Variants in AGBL4 observed in about 807,000 individuals in gnomAD.
The protein encoded by AGBL4 is cytosolic carboxypeptidase 6.
Under a neutral mutation model 66.4 loss-of-function variants are expected in AGBL4, and 58 were observed. The ratio of observed to expected loss-of-function variants is 0.87; its 90% CI spans 0.71 to 1.09. AGBL4 has a LOEUF of 1.09. AGBL4 is among the 50% of genes least tolerant of loss of function. The probability of loss-of-function intolerance (pLI) is 0.00; values close to 1 mark genes in which losing one functional copy is unlikely to be tolerated. For synonymous variants in AGBL4, 234 were observed against 222.9 expected, an observed-to-expected ratio of 1.05 and a Z score of -0.44; for missense variants, 579 against 631.0, an observed-to-expected ratio of 0.92 and a Z score of 0.88.
chr1:49,848,622 T>C (rs1010486252), intron 2 of AGBL4, among the ~76,000 whole-genome samples: 2 of 152,082 alleles, frequency 1.3e-5, no homozygotes, highest in Non-Finnish European at 2.9e-5. Flanking sequence ...TGTATACATA[T>C]AGAACGTGGA....
At chr1:49,565,773 T>C (rs1031387127) in intron 3 of AGBL4, among the ~76,000 whole-genome samples, 2 of 152,218 alleles carry the variant, frequency 1.3e-5, no homozygotes, top group Non-Finnish European at 2.9e-5. Context: ...CTGACAAGTA[T>C]GTGTCTCGGA....
At chr1:49,262,785 C>A (rs980305362) in intron 3 of AGBL4, among the ~76,000 whole-genome samples, 2 of 152,156 alleles carry the variant, frequency 1.3e-5, no homozygotes, top group African/African-American at 4.8e-5. Flanking sequence ...TACCATTTAA[C>A]CCAGCCATCC....
At chr1:48,654,829 T>C (rs1478478885) in intron 7 of AGBL4, among the ~76,000 whole-genome samples, 2 of 152,268 alleles carry the variant, frequency 1.3e-5, no homozygotes, top group Non-Finnish European at 2.9e-5. Context: ...CATCATTTAC[T>C]TCTCGGCTAA....
chr1:49,662,811 T>C (rs1646295252), intron 3 of AGBL4, among the ~76,000 whole-genome samples: 1 of 152,122 alleles, frequency 6.6e-6, no homozygotes, highest in African/African-American at 2.4e-5. Context: ...ATTTGGAGAA[T>C]GAAAGAATCA....
chr1:49,184,973 C>A (rs1646990130), intron 4 of AGBL4, among the ~76,000 whole-genome samples: 2 of 152,170 alleles, frequency 1.3e-5, no homozygotes, highest in South Asian at 4.1e-4. Flanking sequence ...CTCCTTCTGC[C>A]AATTTTAATG....
intron 4 of AGBL4, among the ~76,000 whole-genome samples, chr1:49,052,522 A>G (rs1208832063): frequency 6.6e-6 from 1 of 151,888 alleles, no homozygotes; most frequent in Non-Finnish European, 1.5e-5. Context: ...TTGTTGTGAA[A>G]CTCTTAGGTG....
At chr1:49,715,677 T>C (rs1648061423) in intron 2 of AGBL4, among the ~76,000 whole-genome samples, 1 of 152,192 alleles carries the variant, frequency 6.6e-6, no homozygotes, top group Non-Finnish European at 1.5e-5. Context: ...GGTATCTCAT[T>C]GTGGTTTTGA....
At position 49,149,663 on chromosome 1, in the gene AGBL4, A is replaced by G. The variant is rs1453420903; in HGVS notation, c.377+96107T>C. 3.9e-5 allele frequency among the ~76,000 whole-genome samples: 6 copies of G among 152,298 alleles called. No homozygotes were observed. The East Asian group carries it at 9.7e-4, about 25-fold the overall frequency. ...CTTAAGATGAGCCCTGCATTTGTGT[A>G]CATCATTAAAAACCAGTATTTGTAG... On this transcript the variant is annotated intron_variant, in intron 4 of 13. Transcript: ENST00000371839.
intron 1 of AGBL4, among the ~76,000 whole-genome samples, chr1:50,012,258 A>G (rs1448953038): frequency 6.6e-6 from 1 of 152,048 alleles, no homozygotes; most frequent in Non-Finnish European, 1.5e-5. Flanking sequence ...TAGAATGAAT[A>G]AGACCTACCA....
intron 2 of AGBL4, among the ~76,000 whole-genome samples, chr1:49,816,707 A>C (rs569016327): frequency 7.2e-5 from 11 of 152,310 alleles, no homozygotes; most frequent in African/African-American, 2.6e-4. Flanking sequence ...ATAATGCAGG[A>C]AATGTAACAA....
In AGBL4 at chr1:49,735,288, GGTGTGTGGGT is replaced by G. The variant is rs1423515606; in HGVS notation, c.158-37861_158-37852del. Among the ~76,000 whole-genome samples the G allele has an allele frequency of 3.5e-3, 403 of 115,126 alleles. 1 individual carries two copies. The highest frequency in any genetic ancestry group is 0.018 in the African/African-American group (342 of 18,646). 75.5% of individuals were successfully genotyped at this position (115,126 alleles called of 152,430 possible). A position where few individuals can be genotyped will look rare whatever the true frequency, so the allele number is the denominator to read the frequency against. On this transcript the variant is annotated intron_variant, in intron 2 of 13. Transcript: ENST00000371839. ...AATGTCCTTAAAACAAAGAGGTAGAGGTGTGTGGGTGTGTGTGTGTGTGTGTGTGTGTGTG... is the reference window on the plus strand; with the variant it reads ...AATGTCCTTAAAACAAAGAGGTAGAGGTGTGTGTGTGTGTGTGTGTGTGTG...
chr1:49,738,156 G>A (rs1650061312), intron 2 of AGBL4, among the ~76,000 whole-genome samples: 1 of 152,226 alleles, frequency 6.6e-6, no homozygotes, highest in East Asian at 1.9e-4. Context: ...CCCTTTCCTA[G>A]CCAAGGACAG....
At chr1:49,065,949 T>C (rs191695810) in intron 4 of AGBL4, among the ~76,000 whole-genome samples, 37 of 152,240 alleles carry the variant, frequency 2.4e-4, no homozygotes, top group Admixed American at 2.2e-3. Context: ...GTTCTGACAG[T>C]AGGGTGGTTA....
At position 49,607,722 on chromosome 1, in the gene AGBL4, T is replaced by C. The variant is rs1462154461; in HGVS notation, c.282+89591A>G. Reference sequence around the variant, plus strand: ...GTCAAGATCAGCTGGGTCTCACTGATCTCTAAGGTTATAGAAGTTCCAGGC... The same window carrying C: ...GTCAAGATCAGCTGGGTCTCACTGACCTCTAAGGTTATAGAAGTTCCAGGC... On this transcript the variant is annotated intron_variant, in intron 3 of 13. Transcript: ENST00000371839. Among the ~76,000 whole-genome samples the C allele has an allele frequency of 3.3e-5, 5 of 152,144 alleles. No homozygotes were observed. The South Asian group carries it at 6.2e-4, about 19-fold the overall frequency.
At chr1:48,973,302 G>A (rs1659060044) in intron 5 of AGBL4, among the ~76,000 whole-genome samples, 1 of 151,998 alleles carries the variant, frequency 6.6e-6, no homozygotes, top group African/African-American at 2.4e-5. Flanking sequence ...TCTATTTCCT[G>A]GCCAATTAAC....
intron 6 of AGBL4, among the ~76,000 whole-genome samples, chr1:48,850,279 A>T (rs1163938182): frequency 6.6e-6 from 1 of 152,164 alleles, no homozygotes; most frequent in African/African-American, 2.4e-5. Context: ...AACTGAGGTG[A>T]CTTAGCCCTG....
At chr1:49,906,468 A>G (rs1417224855) in intron 1 of AGBL4, among the ~76,000 whole-genome samples, 1 of 152,052 alleles carries the variant, frequency 6.6e-6, no homozygotes, top group African/African-American at 2.4e-5. Flanking sequence ...ACAACTATTC[A>G]ATGCCAGAGA....
At chr1:49,962,533 T>TA (rs1203822254) in intron 1 of AGBL4, among the ~76,000 whole-genome samples, 8 of 152,184 alleles carry the variant, frequency 5.3e-5, no homozygotes, top group Admixed American at 2.0e-4. Context: ...TCTTATATTG[T>TA]ACCTAACCTT....
intron 2 of AGBL4, among the ~76,000 whole-genome samples, chr1:49,716,818 A>T: frequency 6.6e-6 from 1 of 152,124 alleles, no homozygotes; most frequent in East Asian, 1.9e-4. Context: ...CACAGCCAAT[A>T]TCATACTGAA....
Sources: gnomAD v4.1 joint callset for allele counts (sites outside exome capture counted in the v4.1 genomes callset) on GRCh38, gnomAD v4.1.1 for gene constraint, MANE v1.5 for transcripts, NCBI Gene and HGNC (gene_info 2026-07-23, HGNC 2026-07-21) for gene names.